Variants in LDB3 observed in about 807,000 individuals in gnomAD.
LDB3 encodes LIM domain binding 3.
A neutral mutation model predicts 69.0 loss-of-function variants in LDB3; 49 were observed. The ratio of observed to expected loss-of-function variants is 0.71; its 90% CI spans 0.56 to 0.90. The LOEUF (loss-of-function observed/expected upper bound fraction) is 0.90, where lower values mean the gene tolerates loss of function less well. Ranked by LOEUF, LDB3 falls within the 40% of genes least tolerant of loss-of-function variation. LDB3 has a pLI of 0.00. For synonymous variants in LDB3, 387 were observed against 396.2 expected (o/e 0.98, Z 0.28); for missense variants, 928 against 974.1 (o/e 0.95, Z 0.63).
At chr10:86,675,249 G>A (rs1472367742) in intron 2 of LDB3, among the ~76,000 whole-genome samples, 1 of 152,242 alleles carries the variant, frequency 6.6e-6, no homozygotes, top group East Asian at 1.9e-4. Flanking sequence ...GAAGTGAGGA[G>A]ACCTGGTGGG....
At position 86,735,298 on chromosome 10, in the gene LDB3, G is replaced by A. The variant is rs745534955; in HGVS notation, c.*2322G>A. 2 of 151,834 alleles carry A rather than the reference G, an allele frequency of 1.3e-5. No homozygotes were observed. Among genetic ancestry groups the A allele is most frequent in the Non-Finnish European group, 2.9e-5 (2 of 67,976 alleles). 9.4% of individuals were successfully genotyped at this position (151,834 alleles called of 1,614,324 possible). The stretch of plus-strand genomic sequence containing the variant: ...AAAAAAACCACTTAAAAGGTAGCAG[G>A]AAAAGAAGGTAGTTTTGAGTGTGGT... On this transcript the variant is annotated 3_prime_UTR_variant, in exon 14 of 14. Coordinates refer to ENST00000361373, the MANE Select transcript of LDB3 (RefSeq NM_007078.3).
At chr10:86,704,139 AAG>A (rs1846359389) in intron 7 of LDB3, among the ~76,000 whole-genome samples, 1 of 151,842 alleles carries the variant, frequency 6.6e-6, no homozygotes, top group Non-Finnish European at 1.5e-5. Flanking sequence ...AAAAAAAAAA[AAG>A]AAAGAAAGAA....
intron 2 of LDB3, among the ~76,000 whole-genome samples, chr10:86,673,323 G>C (rs1046601541): frequency 6.6e-6 from 1 of 152,206 alleles, no homozygotes; most frequent in Non-Finnish European, 1.5e-5. Flanking sequence ...GACACAGAAG[G>C]TCATTGATAT....
At position 86,717,595 on chromosome 10, in the gene LDB3, TTAA is replaced by T. The variant is rs1266246040; in HGVS notation, c.1677-365_1677-363del. On this transcript the variant is annotated intron_variant, in intron 10 of 13. Coordinates refer to ENST00000361373, the MANE Select transcript of LDB3 (RefSeq NM_007078.3). Reference sequence around the variant, plus strand: ...AGGATTGTTGTGAGAATTAAGCAAGTTAATAAATGCAAAAGTCTTCTTGAATAG... The same window carrying T: ...AGGATTGTTGTGAGAATTAAGCAAGTTAAATGCAAAAGTCTTCTTGAATAG... Among the ~76,000 whole-genome samples, 34 of 152,330 alleles carry T rather than the reference TTAA, an allele frequency of 2.2e-4. 1 individual carries two copies. The highest frequency in any genetic ancestry group is 1.5e-5 in the Non-Finnish European group (1 of 68,022).
Position 86,699,963 on chromosome 10 carries a change from T to C in LDB3, c.897-6568T>C. 1.0e-6 allele frequency: 1 copy of C among 998,030 alleles called. No individual in the cohort carries two copies. The allele number at this position is 998,030 out of a possible 1,614,324, so 61.8% of individuals were successfully genotyped here. On this transcript the variant is annotated intron_variant, in intron 7 of 13. Coordinates refer to ENST00000361373, the MANE Select transcript of LDB3 (RefSeq NM_007078.3). The surrounding 1 kb of genome is among the most constrained non-coding windows in gnomAD (Gnocchi z 4.9). Reference sequence around the variant, plus strand: ...AGGTGGGGGCATGCACCCTCCTTTCTGTACCGTGTGTGCTGGCTCCATAGT... The same window carrying C: ...AGGTGGGGGCATGCACCCTCCTTTCCGTACCGTGTGTGCTGGCTCCATAGT...
intron 7 of LDB3, among the ~76,000 whole-genome samples, chr10:86,702,670 C>G (rs1272277038): frequency 1.3e-5 from 2 of 152,188 alleles, no homozygotes; most frequent in Non-Finnish European, 2.9e-5. Flanking sequence ...CAGCACTGTC[C>G]TTAGGAATGA....
chr10:86,732,703 C>A, intron 13 of LDB3, 184 bp from the exon 14 acceptor site: 2 of 589,468 alleles, frequency 3.4e-6, no homozygotes, highest in Non-Finnish European at 6.3e-6. Context: ...GGAGTTTCGC[C>A]ATGTTGGCCA....
At chr10:86,669,557 G>C (rs941460208) in intron 2 of LDB3, among the ~76,000 whole-genome samples, 42 of 152,232 alleles carry the variant, frequency 2.8e-4, no homozygotes, top group African/African-American at 8.0e-4. Context: ...AGTTAGCCAT[G>C]CTCCTGAGGA....
rs567261674 is a variant in LDB3 at position 86,719,238 on chromosome 10, A to C, written c.1978+391A>C. Among the ~76,000 whole-genome samples the C allele has an allele frequency of 4.6e-5, 7 of 152,262 alleles. No individual in the cohort carries two copies. The South Asian group carries it at 1.0e-3, about 23-fold the overall frequency. The stretch of plus-strand genomic sequence containing the variant: ...AAGACCCAGTCTCTACAAAAAATAT[A>C]AACATTAGCCAGGTGTGGTGGCGCG... On this transcript the variant is annotated intron_variant, in intron 12 of 13. Transcript: ENST00000361373.
chr10:86,710,643 A>G (rs1238609317), intron 9 of LDB3, among the ~76,000 whole-genome samples: 1 of 152,208 alleles, frequency 6.6e-6, no homozygotes, highest in Non-Finnish European at 1.5e-5. Flanking sequence ...AACAGCACAT[A>G]AGGAGCCTAG....
At chr10:86,691,768 C>A in intron 5 of LDB3, 128 bp from the exon 6 acceptor site, 3 of 1,065,104 alleles carry the variant, frequency 2.8e-6, no homozygotes, top group Non-Finnish European at 4.3e-6. Flanking sequence ...GGTTCTCAGA[C>A]AGCAATGGAT....
At chr10:86,686,972 A>T in intron 5 of LDB3, 1 of 1,105,690 alleles carries the variant, frequency 9.0e-7, no homozygotes. Context: ...CTCGACACCC[A>T]CCGCGCCCAG....
Position 86,692,525 on chromosome 10 carries a change from C to T in LDB3, c.860-10C>T, listed in dbSNP as rs1417793988. ...CGTGAGTCCCCTGACCAGCTCCTTT[C>T]TACCAACAGTGCAAGACCCTGATGA... is the stretch of plus-strand genomic sequence containing the variant. On this transcript the variant is annotated splice_polypyrimidine_tract_variant and intron_variant, in intron 6 of 13. Transcript: ENST00000361373. The T allele has an allele frequency of 6.2e-7, 1 of 1,614,118 alleles. No individual in the cohort carries two copies. Among genetic ancestry groups the T allele is most frequent in the Admixed American group, 1.7e-5 (1 of 60,034 alleles).
intron 13 of LDB3, among the ~76,000 whole-genome samples, chr10:86,732,009 C>CA (rs1554870309): frequency 1.1e-5 from 1 of 91,048 alleles, no homozygotes; most frequent in Non-Finnish European, 2.5e-5. Flanking sequence ...CTTTCTTTTT[C>CA]TTTTTTTTTT....
intron 9 of LDB3, among the ~76,000 whole-genome samples, chr10:86,712,808 C>T (rs1045696762): frequency 2.0e-5 from 3 of 152,206 alleles, no homozygotes; most frequent in African/African-American, 7.2e-5. Context: ...CGCCAGTAAT[C>T]CCAGCACTTT....
chr10:86,682,168 C>T (rs1845189640), intron 5 of LDB3, among the ~76,000 whole-genome samples: 1 of 152,212 alleles, frequency 6.6e-6, no homozygotes. Flanking sequence ...GCACAGCCTG[C>T]AGCCTTCAAG....
intron 7 of LDB3, among the ~76,000 whole-genome samples, chr10:86,701,622 G>A (rs539311034): frequency 6.6e-6 from 1 of 152,368 alleles, no homozygotes; most frequent in South Asian, 2.1e-4. Context: ...GGTTGATCAT[G>A]TATGGTCCAG....
At position 86,699,698 on chromosome 10, in the gene LDB3, A is replaced by C; in HGVS notation, c.897-6833A>C. ...GGCAGGAGGGGTTTGCTGGCATAACACCCCAGAACCAAGGGAAATGGATGG... is the reference window on the plus strand; with the variant it reads ...GGCAGGAGGGGTTTGCTGGCATAACCCCCCAGAACCAAGGGAAATGGATGG... On this transcript the variant is annotated intron_variant, in intron 7 of 13. Transcript: ENST00000361373. This position sits in a 1 kb window ranked among gnomAD's most constrained non-coding sequence, Gnocchi z 4.9. The C allele has an allele frequency of 2.5e-6, 3 of 1,178,780 alleles. No individual in the cohort carries two copies. The highest frequency in any genetic ancestry group is 4.1e-5 in the South Asian group (2 of 48,780). 73.0% of individuals were successfully genotyped at this position (1,178,780 alleles called of 1,614,324 possible).
In LDB3 at chr10:86,699,429, C is replaced by G; in HGVS notation, c.896+6858C>G. On this transcript the variant is annotated intron_variant, in intron 7 of 13. Transcript: ENST00000361373. The surrounding 1 kb of genome is among the most constrained non-coding windows in gnomAD (Gnocchi z 4.9). ...AGGCTGGACTCCCTCCATCCTTACC[C>G]CCACACAGATCTGGCATGTGAGCCC... The G allele has an allele frequency of 6.2e-7, 1 of 1,612,100 alleles. No individual in the cohort carries two copies. The highest frequency in any genetic ancestry group is 1.1e-5 in the South Asian group (1 of 90,930).
Sources: allele counts gnomAD v4.1 joint callset (sites outside exome capture counted in the v4.1 genomes callset), GRCh38; gene constraint gnomAD v4.1.1; non-coding constraint Gnocchi (gnomAD v3.1); transcripts MANE v1.5; gene names NCBI Gene and HGNC (gene_info 2026-07-23, HGNC 2026-07-21).